Variants in ADAMTSL3 observed in about 807,000 individuals in gnomAD.
ADAMTSL3 encodes the protein ADAMTS-like protein 3.
ADAMTSL3 carries 128 observed loss-of-function variants against 201.7 expected under a neutral mutation model. The ratio of observed to expected loss-of-function variants is 0.63; its 90% CI spans 0.55 to 0.73. The LOEUF (loss-of-function observed/expected upper bound fraction) is 0.73, where lower values mean the gene tolerates loss of function less well. Among genes scored for constraint, ADAMTSL3 ranks in the 30% least tolerant of loss-of-function variants. ADAMTSL3 has a pLI of 0.00. For synonymous variants in ADAMTSL3, 738 were observed against 748.4 expected, an observed-to-expected ratio of 0.99 and a Z score of 0.23; for missense variants, 1,990 against 2,119.6, an observed-to-expected ratio of 0.94 and a Z score of 1.20.
Position 84,037,715 on chromosome 15 carries a change from C to T in ADAMTSL3, c.4985C>T (p.Thr1662Ile), listed in dbSNP as rs756056170. 19 of 1,607,846 alleles carry T rather than the reference C, an allele frequency of 1.2e-5. No homozygotes were observed. Among genetic ancestry groups the T allele is most frequent in the Non-Finnish European group, 1.5e-5 (18 of 1,178,376 alleles). ...TTTTTTGCAGGAGACTGCACAGACA[C>T]AACTCACTACTGTATGTTTGTAAAA... The part of the protein sequence containing the change: ...GPSCDRDCTD[T>I]THYCMFVKHL... Residue 1662 changes from threonine to isoleucine, a missense_variant, in exon 30 of 30, where the codon ACA becomes ATA. Thr to Ile is a moderately conservative substitution (Grantham distance 89). Transcript: ENST00000286744.
At chr15:84,012,444 C>G (rs2068022305) in intron 23 of ADAMTSL3, among the ~76,000 whole-genome samples, 1 of 152,146 alleles carries the variant, frequency 6.6e-6, no homozygotes, top group African/African-American at 2.4e-5. Context: ...GCTCAGGTCC[C>G]TTTTATCTTT....
At chr15:83,918,805 C>T (rs767329937) in intron 16 of ADAMTSL3, among the ~76,000 whole-genome samples, 10 of 151,980 alleles carry the variant, frequency 6.6e-5, no homozygotes, top group Non-Finnish European at 1.5e-4. Context: ...AAAGGTTAGT[C>T]CAGCTGTATT....
chr15:83,755,135 G>C (rs1462019717), intron 3 of ADAMTSL3, among the ~76,000 whole-genome samples: 1 of 151,784 alleles, frequency 6.6e-6, no homozygotes, highest in Non-Finnish European at 1.5e-5. Flanking sequence ...TTTCCTAGCT[G>C]GTTGGATTTC....
In ADAMTSL3 at chr15:83,999,270, C is replaced by T. The variant is rs144088858; in HGVS notation, c.3973+8056C>T. 5.7e-3 allele frequency among the ~76,000 whole-genome samples: 873 copies of T among 152,266 alleles called. 6 individuals are homozygous for T. The highest frequency in any genetic ancestry group is 0.019 in the African/African-American group (785 of 41,546). ...TAAACCCTTCTCTTGTTTTTGGAAA[C>T]TTAAACCATTTGTACTTCTTTACAG... On this transcript the variant is annotated intron_variant, in intron 23 of 29. Transcript: ENST00000286744.
intron 17 of ADAMTSL3, among the ~76,000 whole-genome samples, chr15:83,927,404 G>A (rs1450878730): frequency 1.3e-5 from 2 of 152,018 alleles, no homozygotes; most frequent in East Asian, 1.9e-4. Flanking sequence ...GTGAGCCACC[G>A]CACCTGGCCC....
chr15:83,929,302 G>A (rs2066305834), intron 17 of ADAMTSL3, among the ~76,000 whole-genome samples: 2 of 152,144 alleles, frequency 1.3e-5, no homozygotes, highest in Non-Finnish European at 2.9e-5. Context: ...CAAAATTAAG[G>A]TGTCCGCGGC....
chr15:83,667,099 A>G (rs1255849773), intron 2 of ADAMTSL3, among the ~76,000 whole-genome samples: 1 of 152,080 alleles, frequency 6.6e-6, no homozygotes, highest in Non-Finnish European at 1.5e-5. Context: ...TACTTTTGTC[A>G]TGCTTAGAAG....
At chr15:83,974,928 G>A (rs2067256547) in intron 20 of ADAMTSL3, among the ~76,000 whole-genome samples, 1 of 151,426 alleles carries the variant, frequency 6.6e-6, no homozygotes, top group African/African-American at 2.4e-5. Flanking sequence ...CCCTTCCCAG[G>A]GCTATCTCAA....
intron 15 of ADAMTSL3, among the ~76,000 whole-genome samples, chr15:83,905,366 A>T (rs2065812784): frequency 6.6e-6 from 1 of 152,214 alleles, no homozygotes; most frequent in South Asian, 2.1e-4. Flanking sequence ...ACAATGTCAG[A>T]AGAGCAGCAT....
At chr15:83,971,142 A>G (rs1249642045) in intron 20 of ADAMTSL3, among the ~76,000 whole-genome samples, 1 of 152,262 alleles carries the variant, frequency 6.6e-6, no homozygotes, top group East Asian at 1.9e-4. Context: ...TAATGAGCTT[A>G]CTATAAAGAG....
chr15:83,830,935 G>A (rs1448725322), intron 6 of ADAMTSL3, among the ~76,000 whole-genome samples: 5 of 152,056 alleles, frequency 3.3e-5, no homozygotes, highest in African/African-American at 7.2e-5. Context: ...GTAAATCCAC[G>A]AATGAACAAG....
intron 9 of ADAMTSL3, among the ~76,000 whole-genome samples, chr15:83,872,609 C>CAA (rs1176909149): frequency 2.1e-5 from 2 of 93,312 alleles, no homozygotes; most frequent in African/African-American, 4.0e-5. Flanking sequence ...CACACACACA[C>CAA]ACACACACAC....
chr15:83,678,030 C>G (rs181905549), intron 2 of ADAMTSL3, among the ~76,000 whole-genome samples: 2 of 151,876 alleles, frequency 1.3e-5, no homozygotes, highest in East Asian at 3.9e-4. Flanking sequence ...CCAACTTTAC[C>G]ACCTCACTTA....
chr15:83,949,428 G>A (rs1165478552), intron 19 of ADAMTSL3, among the ~76,000 whole-genome samples: 1 of 152,108 alleles, frequency 6.6e-6, no homozygotes, highest in Non-Finnish European at 1.5e-5. Context: ...CACTTAGGTT[G>A]TTTCCATATC....
chr15:83,998,448 C>T (rs1037937880), intron 23 of ADAMTSL3, among the ~76,000 whole-genome samples: 5 of 150,676 alleles, frequency 3.3e-5, no homozygotes, highest in African/African-American at 4.9e-5. Context: ...GACTCCATTT[C>T]GAAAAAAGGA....
At chr15:83,742,067 G>GA (rs1293623065) in intron 3 of ADAMTSL3, among the ~76,000 whole-genome samples, 1 of 151,740 alleles carries the variant, frequency 6.6e-6, no homozygotes, top group Non-Finnish European at 1.5e-5. Context: ...GGGAAAGTTC[G>GA]AAAAAAATTA....
Position 83,910,683 on chromosome 15 carries a change from G to A in ADAMTSL3, c.1701-2409G>A, listed in dbSNP as rs1330304209. Among the ~76,000 whole-genome samples the A allele has an allele frequency of 3.4e-4, 51 of 148,092 alleles. No individual in the cohort carries two copies. In the Admixed American group the frequency reaches 3.4e-3, roughly 10 times the overall value. On this transcript the variant is annotated intron_variant, in intron 15 of 29. Coordinates refer to ENST00000286744, the MANE Select transcript of ADAMTSL3 (RefSeq NM_207517.3). ...GGAGTCTCACTCTGTTACCCAGGCT[G>A]GAGTGCAGTGGCACAATCTTGGCTC...
intron 27 of ADAMTSL3, among the ~76,000 whole-genome samples, chr15:84,026,205 C>G (rs1321069510): frequency 6.6e-6 from 1 of 152,086 alleles, no homozygotes; most frequent in Non-Finnish European, 1.5e-5. Context: ...ATAATCAGAG[C>G]TCAGAAACGG....
At chr15:83,803,892 C>T (rs1181651039) in intron 4 of ADAMTSL3, among the ~76,000 whole-genome samples, 2 of 152,160 alleles carry the variant, frequency 1.3e-5, no homozygotes, top group African/African-American at 4.8e-5. Flanking sequence ...CCTGTAATCC[C>T]AGCACTTTGG....
Sources: allele counts gnomAD v4.1 joint callset (sites outside exome capture counted in the v4.1 genomes callset), GRCh38; gene constraint gnomAD v4.1.1; transcripts MANE v1.5; gene names NCBI Gene and HGNC (gene_info 2026-07-23, HGNC 2026-07-21).